The following RGL1 variants were observed in gnomAD, a reference collection of about 807,000 sequenced individuals.
The protein encoded by RGL1 is ral guanine nucleotide dissociation stimulator-like 1.
Under a neutral mutation model 95.2 loss-of-function variants are expected in RGL1, and 24 were observed. That is an observed-to-expected ratio of 0.25 (90% CI 0.18 to 0.35). The LOEUF (loss-of-function observed/expected upper bound fraction) is 0.35. RGL1 is among the 10% of genes least tolerant of loss of function. The pLI is 1.00. For missense variants in RGL1, 715 were observed against 936.3 expected (o/e 0.76, Z 3.08); for synonymous variants, 329 against 344.9 (o/e 0.95, Z 0.51).
chr1:183,725,805 A>G (rs902100311), intron 1 of RGL1, among the ~76,000 whole-genome samples: 4 of 152,224 alleles, frequency 2.6e-5, no homozygotes, highest in Non-Finnish European at 5.9e-5. Flanking sequence ...CTAATCATCA[A>G]CTTGAACTAA....
chr1:183,804,298 G>A (rs1442560140), upstream of RGL1, among the ~76,000 whole-genome samples: 1 of 152,072 alleles, frequency 6.6e-6, no homozygotes, highest in Non-Finnish European at 1.5e-5. Context: ...ATTCTGGCAG[G>A]TGTCAAGTTT....
At chr1:183,716,299 A>G (rs1655619892) in intron 1 of RGL1, among the ~76,000 whole-genome samples, 1 of 152,230 alleles carries the variant, frequency 6.6e-6, no homozygotes, top group Admixed American at 6.5e-5. Flanking sequence ...TGTTTTAGTT[A>G]GGGTAAGCTA....
At chr1:183,887,988 G>C (rs146359003) in intron 7 of RGL1, among the ~76,000 whole-genome samples, 32 of 152,246 alleles carry the variant, frequency 2.1e-4, no homozygotes, top group African/African-American at 7.2e-4. Flanking sequence ...TCAACTTGTG[G>C]TGAATTTTTA....
intron 5 of RGL1, among the ~76,000 whole-genome samples, chr1:183,882,446 A>G (rs1234322441): frequency 6.6e-6 from 1 of 152,218 alleles, no homozygotes; most frequent in Non-Finnish European, 1.5e-5. Flanking sequence ...TGGGATCCCA[A>G]GTTTCTAATT....
chr1:183,855,442 T>C (rs917938763), intron 3 of RGL1, among the ~76,000 whole-genome samples: 1 of 152,250 alleles, frequency 6.6e-6, no homozygotes, highest in Non-Finnish European at 1.5e-5. Flanking sequence ...TAAAAATAAT[T>C]GAATTTTTTA....
intron 2 of RGL1, among the ~76,000 whole-genome samples, chr1:183,764,133 A>G (rs921107734): frequency 2.0e-5 from 3 of 152,214 alleles, no homozygotes; most frequent in African/African-American, 7.2e-5. Context: ...TATTACCACA[A>G]CACCAGGACT....
intron 5 of RGL1, 50 bp downstream of exon 5, chr1:183,880,850 C>G (rs1666786982): frequency 6.4e-7 from 1 of 1,555,986 alleles, no homozygotes; most frequent in Non-Finnish European, 8.8e-7. Flanking sequence ...GATTCTCCAG[C>G]CTCCACGCTG....
chr1:183,698,537 A>G (rs1455116730), intron 1 of RGL1, among the ~76,000 whole-genome samples: 1 of 152,258 alleles, frequency 6.6e-6, no homozygotes, highest in Non-Finnish European at 1.5e-5. Flanking sequence ...CTCATCTGAA[A>G]TATTTGCACC....
At chr1:183,731,538 T>G (rs543847559) in intron 1 of RGL1, among the ~76,000 whole-genome samples, 1 of 152,314 alleles carries the variant, frequency 6.6e-6, no homozygotes, top group Admixed American at 6.5e-5. Context: ...CCCTGCTACC[T>G]TATTACAGAG....
At chr1:183,780,730 T>G (rs1053689943) in intron 2 of RGL1, among the ~76,000 whole-genome samples, 1 of 152,250 alleles carries the variant, frequency 6.6e-6, no homozygotes, top group Non-Finnish European at 1.5e-5. Flanking sequence ...TGGACTCTTT[T>G]GAGTCTCAGT....
Position 183,904,924 on chromosome 1 carries a change from G to A in RGL1, c.1425G>A (p.Lys475=), listed in dbSNP as rs372228874. Reference sequence around the variant, plus strand: ...GCTATTGCATGACCCCAGACCAAAAGTTCATCCAGTGGTTCCAGAGGCAGC... The same window carrying A: ...GCTATTGCATGACCCCAGACCAAAAATTCATCCAGTGGTTCCAGAGGCAGC... The part of the protein sequence containing the change: ...CNSYCMTPDQ[K]FIQWFQRQQL... Residue 475 remains lysine (K), a synonymous_variant, in exon 13 of 18, where the codon AAG becomes AAA. Transcript: ENST00000360851. 1.2e-6 allele frequency: 2 copies of A among 1,613,754 alleles called. No individual in the cohort carries two copies. The highest frequency in any genetic ancestry group is 1.7e-6 in the Non-Finnish European group (2 of 1,179,890).
intron 2 of RGL1, among the ~76,000 whole-genome samples, chr1:183,766,005 A>G (rs1403920289): frequency 1.3e-5 from 2 of 152,184 alleles, no homozygotes; most frequent in African/African-American, 2.4e-5. Context: ...TGGGTGCAGC[A>G]CACCAACATG....
At chr1:183,815,536 C>G (rs1313334856) in intron 2 of RGL1, among the ~76,000 whole-genome samples, 1 of 152,284 alleles carries the variant, frequency 6.6e-6, no homozygotes, top group South Asian at 2.1e-4. Flanking sequence ...GACACTGGCA[C>G]CTCCTGGCTG....
intron 1 of RGL1, among the ~76,000 whole-genome samples, chr1:183,657,219 C>T (rs1424902813): frequency 6.6e-6 from 1 of 152,040 alleles, no homozygotes; most frequent in African/African-American, 2.4e-5. Context: ...AGACATCTTT[C>T]CATTTCTTTG....
chr1:183,924,973 T>TATA (rs1458120669), intron 17 of RGL1, among the ~76,000 whole-genome samples: 2 of 151,456 alleles, frequency 1.3e-5, no homozygotes, highest in Non-Finnish European at 2.9e-5. Flanking sequence ...TCTCAAAAAA[T>TATA]ATAATAATAA....
At chr1:183,923,649 G>C (rs1190587369) in intron 17 of RGL1, among the ~76,000 whole-genome samples, 2 of 152,136 alleles carry the variant, frequency 1.3e-5, no homozygotes, top group Admixed American at 6.5e-5. Context: ...ACAATACCCT[G>C]CTGGTTCCTC....
rs201153169 is a variant in RGL1, at chr1:183,830,007, GTGTC to G, written c.139-17555_139-17552del. Among the ~76,000 whole-genome samples the G allele has an allele frequency of 8.7e-3, 1,323 of 152,248 alleles. 13 individuals are homozygous for G. Among genetic ancestry groups the G allele is most frequent in the Middle Eastern group, 0.017 (5 of 294 alleles). Reference sequence around the variant, plus strand: ...TGTTGGCTTCATGAGGATAGGGAGTGTGTCTGTGTTGTTCATTTCTGTATCCACA... The same window carrying G: ...TGTTGGCTTCATGAGGATAGGGAGTGTGTGTTGTTCATTTCTGTATCCACA... On this transcript the variant is annotated intron_variant, in intron 2 of 17. Transcript: ENST00000360851.
At chr1:183,676,413 T>C (rs1652832678) in intron 1 of RGL1, among the ~76,000 whole-genome samples, 1 of 149,090 alleles carries the variant, frequency 6.7e-6, no homozygotes, top group African/African-American at 2.5e-5. Flanking sequence ...TCATGCCCCA[T>C]CAAGTCTTTT....
chr1:183,796,143 G>A (rs1436049936), intron 2 of RGL1, among the ~76,000 whole-genome samples: 1 of 151,576 alleles, frequency 6.6e-6, no homozygotes, highest in African/African-American at 2.4e-5. Flanking sequence ...ATAAGCCAAT[G>A]AGGAAGGTGT....
Sources: gnomAD v4.1 joint callset for allele counts (sites outside exome capture counted in the v4.1 genomes callset) on GRCh38, gnomAD v4.1.1 for gene constraint, MANE v1.5 for transcripts, NCBI Gene and HGNC (gene_info 2026-07-23, HGNC 2026-07-21) for gene names.